The following TENM2 variants were observed in gnomAD, a reference collection of about 807,000 sequenced individuals.
TENM2 encodes teneurin-2.
In TENM2, 52 loss-of-function variants were observed where a neutral mutation model predicts 245.2. The observed-to-expected ratio is 0.21, with a 90% CI of 0.17 to 0.27. TENM2 has a LOEUF of 0.27. TENM2 is among the 10% of genes least tolerant of loss of function. TENM2 has a pLI of 1.00. For synonymous variants in TENM2, 1,363 were observed against 1,438.9 expected (o/e 0.95, Z 1.19); for missense variants, 3,046 against 3,666.8 (o/e 0.83, Z 4.37).
the TENM2 span, among the ~76,000 whole-genome samples, chr5:167,069,789 A>G: frequency 2.0e-5 from 3 of 152,216 alleles, no homozygotes; most frequent in Non-Finnish European, 4.4e-5. Context: ...AATGATGCTA[A>G]AAAATATTCA....
chr5:167,591,737 AG>A (rs1455581984), intron 2 of TENM2, among the ~76,000 whole-genome samples: 10 of 152,248 alleles, frequency 6.6e-5, no homozygotes, highest in African/African-American at 1.9e-4. Flanking sequence ...TACCACAGAA[AG>A]GATGCGTATA....
At chr5:168,031,789 G>A (rs934096663) in intron 5 of TENM2, among the ~76,000 whole-genome samples, 1 of 147,208 alleles carries the variant, frequency 6.8e-6, no homozygotes, top group African/African-American at 2.5e-5. Context: ...GGGAAGGAGG[G>A]AAGGAGGAAG....
chr5:167,241,477 A>C, the TENM2 span, among the ~76,000 whole-genome samples: 1 of 152,230 alleles, frequency 6.6e-6, no homozygotes, highest in Non-Finnish European at 1.5e-5. Context: ...CCTGAAGAGC[A>C]GAAGGAGGCA....
intron 2 of TENM2, among the ~76,000 whole-genome samples, chr5:167,700,987 T>G (rs1466315459): frequency 6.6e-6 from 1 of 150,756 alleles, no homozygotes; most frequent in African/African-American, 2.4e-5. Context: ...AGCAAGTTTT[T>G]GGGGAACTCC....
At chr5:167,227,609 C>CAA in the TENM2 span, among the ~76,000 whole-genome samples, 2 of 152,122 alleles carry the variant, frequency 1.3e-5, no homozygotes, top group African/African-American at 4.8e-5. Context: ...TGTAAGGTTT[C>CAA]TATGAAGAAA....
At chr5:168,176,737 T>C (rs1482368660) in intron 13 of TENM2, among the ~76,000 whole-genome samples, 1 of 152,218 alleles carries the variant, frequency 6.6e-6, no homozygotes, top group Non-Finnish European at 1.5e-5. Flanking sequence ...ACGAATTGAA[T>C]GAGTAAAAGC....
chr5:167,929,125 G>GA lies in TENM2; in HGVS notation c.713-23460dup, dbSNP rs374765117. Reference sequence around the variant, plus strand: ...AGAAAGAAAGAAAGAAAGAAAGAAAGAAAGAAAAGAAAGAAGGGAGGGAGG... The same window carrying GA: ...AGAAAGAAAGAAAGAAAGAAAGAAAGAAAAGAAAAGAAAGAAGGGAGGGAGG... On this transcript the variant is annotated intron_variant, in intron 3 of 28. Coordinates refer to ENST00000518659, the Ensembl canonical transcript of TENM2. 6.6e-4 allele frequency among the ~76,000 whole-genome samples: 62 copies of GA among 94,328 alleles called. No homozygotes were observed. In the East Asian group the frequency reaches 8.0e-3, roughly 12 times the overall value. The allele number at this position is 94,328 out of a possible 152,430, so 61.9% of individuals were successfully genotyped here.
At chr5:167,092,656 G>T in the TENM2 span, among the ~76,000 whole-genome samples, 1 of 152,236 alleles carries the variant, frequency 6.6e-6, no homozygotes, top group South Asian at 2.1e-4. Context: ...CTAGAGAAAA[G>T]ACTTGTCCAA....
rs116588199 is a variant in TENM2 at position 167,486,623 on chromosome 5, C to T, written c.502+111150C>T. Among the ~76,000 whole-genome samples, 1,095 of 152,210 alleles carry T rather than the reference C, an allele frequency of 7.2e-3. 4 individuals are homozygous for T. Among genetic ancestry groups the T allele is most frequent in the Non-Finnish European group, 9.9e-3 (674 of 68,002 alleles). On this transcript the variant is annotated intron_variant, in intron 2 of 28. Transcript: ENST00000518659. ...GATTACAGGCGTTAGCCACCGTGCC[C>T]GGCCTGCCATTTCTTAAATAATATC...
intron 2 of TENM2, among the ~76,000 whole-genome samples, chr5:167,382,352 C>T (rs916668124): frequency 3.3e-5 from 5 of 152,122 alleles, no homozygotes; most frequent in African/African-American, 7.2e-5. Context: ...CAGTGATACA[C>T]GAAGACCTCC....
At chr5:167,273,065 G>A in the TENM2 span, among the ~76,000 whole-genome samples, 1 of 152,052 alleles carries the variant, frequency 6.6e-6, no homozygotes, top group African/African-American at 2.4e-5. Flanking sequence ...TGATTAACAA[G>A]TCAACCCCCT....
At chr5:168,167,031 GGTT>G (rs1758363730) in intron 13 of TENM2, among the ~76,000 whole-genome samples, 1 of 152,096 alleles carries the variant, frequency 6.6e-6, no homozygotes, top group Admixed American at 6.6e-5. Context: ...AAGTGGAAAT[GGTT>G]CAGACAGACA....
At chr5:168,254,091 T>C (rs1767412430) in intron 27 of TENM2, among the ~76,000 whole-genome samples, 2 of 152,240 alleles carry the variant, frequency 1.3e-5, no homozygotes, top group Admixed American at 1.3e-4. Flanking sequence ...TCTTCTCATA[T>C]TTACACTTAA....
the TENM2 span, among the ~76,000 whole-genome samples, chr5:167,153,730 A>T: frequency 6.6e-6 from 1 of 151,920 alleles, no homozygotes; most frequent in East Asian, 1.9e-4. Context: ...AAGAAATAAG[A>T]TGGAAGTCTT....
At chr5:167,338,836 G>A (rs1477672092) in intron 1 of TENM2, among the ~76,000 whole-genome samples, 4 of 152,158 alleles carry the variant, frequency 2.6e-5, no homozygotes, top group Non-Finnish European at 5.9e-5. Flanking sequence ...CTTGCAGATG[G>A]CCCCGCTTTT....
chr5:167,906,152 C>A (rs1477667701), intron 3 of TENM2, among the ~76,000 whole-genome samples: 1 of 151,962 alleles, frequency 6.6e-6, no homozygotes, highest in East Asian at 1.9e-4. Context: ...GTCAGAGCTT[C>A]CTACAAGGAG....
At chr5:167,074,963 T>A in the TENM2 span, among the ~76,000 whole-genome samples, 48 of 152,274 alleles carry the variant, frequency 3.2e-4, no homozygotes, top group Admixed American at 5.9e-4. Context: ...CAGGTGCCAT[T>A]CTTTCCTGGA....
At chr5:168,187,966 T>A (rs2173019) in intron 13 of TENM2, among the ~76,000 whole-genome samples, 38,666 of 152,076 alleles carry the variant, frequency 0.25, 6,165 homozygotes, top group African/African-American at 0.45. Context: ...TAGGAAATTG[T>A]GTAAATCTAA....
intron 3 of TENM2, among the ~76,000 whole-genome samples, chr5:167,920,123 C>T (rs1042559400): frequency 5.3e-5 from 8 of 151,992 alleles, no homozygotes; most frequent in African/African-American, 1.2e-4. Flanking sequence ...AAAACTGCTA[C>T]GTTTCAGAAG....
Sources: gnomAD v4.1 joint callset for allele counts (sites outside exome capture counted in the v4.1 genomes callset) on GRCh38, gnomAD v4.1.1 for gene constraint, MANE v1.5 for transcripts, NCBI Gene and HGNC (gene_info 2026-07-23, HGNC 2026-07-21) for gene names.